The following PSMA3 variants were observed in gnomAD, a reference collection of about 807,000 sequenced individuals.
PSMA3 encodes proteasome subunit alpha type-3.
PSMA3 carries 8 observed loss-of-function variants against 40.0 expected under a neutral mutation model. The observed-to-expected ratio is 0.20, with a 90% CI of 0.12 to 0.36. PSMA3 has a LOEUF of 0.36. Among genes scored for constraint, PSMA3 ranks in the 10% least tolerant of loss-of-function variants. The pLI is 1.00. For missense variants in PSMA3, 219 were observed against 310.6 expected, an observed-to-expected ratio of 0.70 and a Z score of 2.22; for synonymous variants, 110 against 100.0, an observed-to-expected ratio of 1.10 and a Z score of -0.59.
At chr14:58,270,312 T>C (rs1298010374) in intron 8 of PSMA3, 106 bp from the exon 9 acceptor site, 1 of 1,459,096 alleles carries the variant, frequency 6.9e-7, no homozygotes, top group East Asian at 2.3e-5. Flanking sequence ...ATTTTATAGA[T>C]ACTTTTATTA....
intron 6 of PSMA3, 21 bp downstream of exon 6, chr14:58,261,041 T>G: frequency 6.6e-7 from 1 of 1,525,962 alleles, no homozygotes; most frequent in South Asian, 1.1e-5. Flanking sequence ...TTGAATCATT[T>G]GAAATTCTAT....
chr14:58,262,075 A>G (rs537260352), intron 6 of PSMA3, among the ~76,000 whole-genome samples: 12 of 152,112 alleles, frequency 7.9e-5, no homozygotes, highest in Admixed American at 2.0e-4. Context: ...GATTACAGGC[A>G]TGTACTACCA....
chr14:58,267,415 G>T, intron 7 of PSMA3, 59 bp from the exon 8 acceptor site: 1 of 1,405,810 alleles, frequency 7.1e-7, no homozygotes, highest in Non-Finnish European at 9.3e-7. Context: ...AGTGAAAATA[G>T]TTATTACACA....
intron 3 of PSMA3, among the ~76,000 whole-genome samples, chr14:58,254,333 C>CATGTATATATATATAT (rs1890090377): frequency 8.4e-5 from 2 of 23,798 alleles, no homozygotes; most frequent in Non-Finnish European, 1.7e-4. Flanking sequence ...ATTATGCATG[C>CATGTATATATATATAT]ATATATATAT....
At chr14:58,249,215 C>T (rs975193833) in intron 2 of PSMA3, among the ~76,000 whole-genome samples, 1 of 152,036 alleles carries the variant, frequency 6.6e-6, no homozygotes, top group Non-Finnish European at 1.5e-5. Flanking sequence ...CTGCCTCAGC[C>T]TCCCAAAGTG....
At chr14:58,250,025 C>T (rs946353727) in intron 2 of PSMA3, among the ~76,000 whole-genome samples, 2 of 151,852 alleles carry the variant, frequency 1.3e-5, no homozygotes, top group Non-Finnish European at 2.9e-5. Context: ...TCGAGACCAG[C>T]CTGGGCAACA....
intron 3 of PSMA3, 37 bp downstream of exon 3, chr14:58,252,279 C>A: frequency 6.3e-7 from 1 of 1,589,062 alleles, no homozygotes. Flanking sequence ...TTTGTCTTGT[C>A]CAATTTCTTT....
At position 58,270,612 on chromosome 14, in the gene PSMA3, G is replaced by A. The variant is rs1566646181; in HGVS notation, c.658+127G>A. 1.7e-5 allele frequency: 26 copies of A among 1,491,044 alleles called. No individual in the cohort carries two copies. The South Asian group carries it at 2.4e-4, about 14-fold the overall frequency. The allele number at this position is 1,491,044 out of a possible 1,614,324, so 92.4% of individuals were successfully genotyped here. A position where few individuals can be genotyped will look rare whatever the true frequency, so the allele number is the denominator to read the frequency against. On this transcript the variant is annotated intron_variant, in intron 9 of 10. Transcript: ENST00000216455. ...TACTAGGTTGTCTAATGAAGGGAAA[G>A]TTCTGCTTAATAATTGACTTAAGTT...
chr14:58,271,034 A>T, intron 10 of PSMA3, 36 bp downstream of exon 10: 1 of 1,508,542 alleles, frequency 6.6e-7, no homozygotes, highest in Non-Finnish European at 9.1e-7. Context: ...TTGGCCAGGT[A>T]CAGTCAGGGA....
chr14:58,250,733 T>A (rs945013392), intron 2 of PSMA3, among the ~76,000 whole-genome samples: 1 of 152,218 alleles, frequency 6.6e-6, no homozygotes. Context: ...CCCTGCTTTT[T>A]AGATTGTGGA....
At chr14:58,265,359 G>GA (rs1438905538) in intron 7 of PSMA3, 2 of 151,990 alleles carry the variant, frequency 1.3e-5, no homozygotes, top group Non-Finnish European at 2.9e-5. Context: ...AAATCCCAGA[G>GA]AAAAATCAAG....
chr14:58,255,978 C>T (rs1890135387), intron 3 of PSMA3, among the ~76,000 whole-genome samples: 1 of 152,026 alleles, frequency 6.6e-6, no homozygotes, highest in African/African-American at 2.4e-5. Context: ...TGTGGCTCAG[C>T]CTTGGGAGTA....
chr14:58,248,122 C>T (rs1889918817), intron 2 of PSMA3, among the ~76,000 whole-genome samples: 1 of 152,166 alleles, frequency 6.6e-6, no homozygotes, highest in African/African-American at 2.4e-5. Flanking sequence ...TCATAGGCTT[C>T]CTCAGCCATT....
rs1461048000 is a variant in PSMA3 at position 58,271,998 on chromosome 14, CTT to C, written c.*104_*105del. The C allele has an allele frequency of 1.1e-6, 1 of 872,974 alleles. No individual in the cohort carries two copies. The highest frequency in any genetic ancestry group is 1.6e-5 in the South Asian group (1 of 61,274). The allele number at this position is 872,974 out of a possible 1,614,324, so 54.1% of individuals were successfully genotyped here. A position where few individuals can be genotyped will look rare whatever the true frequency, so the allele number is the denominator to read the frequency against. ...TGTCCAATTTTCATTAAATTTTTGT[CTT>C]ATAACTATTGAAGTTTGGTTAATAT... On this transcript the variant is annotated 3_prime_UTR_variant, in exon 11 of 11. Coordinates refer to ENST00000216455, the MANE Select transcript of PSMA3 (RefSeq NM_002788.4).
At chr14:58,249,947 C>T (rs944800408) in intron 2 of PSMA3, among the ~76,000 whole-genome samples, 3 of 152,046 alleles carry the variant, frequency 2.0e-5, no homozygotes, top group South Asian at 2.1e-4. Flanking sequence ...TCCTGCTGGG[C>T]GTGAGCCACG....
At chr14:58,250,102 C>T (rs1889973791) in intron 2 of PSMA3, among the ~76,000 whole-genome samples, 1 of 150,996 alleles carries the variant, frequency 6.6e-6, no homozygotes, top group South Asian at 2.1e-4. Flanking sequence ...CGCCTGTAAT[C>T]CCAGCTACTT....
At chr14:58,244,966 A>C in intron 1 of PSMA3, 25 bp downstream of exon 1, 2 of 1,614,104 alleles carry the variant, frequency 1.2e-6, no homozygotes, top group African/African-American at 1.3e-5. Flanking sequence ...TGTCGGTGTA[A>C]TAGTTTAACC....
In PSMA3 at chr14:58,250,736, A is replaced by G. The variant is rs1443343832; in HGVS notation, c.105-1383A>G. On this transcript the variant is annotated intron_variant, in intron 2 of 10. Transcript: ENST00000216455. Reference sequence around the variant, plus strand: ...ATAACACAATTCCCCTGCTTTTTAGATTGTGGATCCCTTTTTAGATTCTGA... The same window carrying G: ...ATAACACAATTCCCCTGCTTTTTAGGTTGTGGATCCCTTTTTAGATTCTGA... 3.3e-5 allele frequency among the ~76,000 whole-genome samples: 5 copies of G among 152,280 alleles called. No homozygotes were observed. The East Asian group carries it at 9.6e-4, about 29-fold the overall frequency.
Position 58,267,207 on chromosome 14 carries a change from G to GGTCA in PSMA3, c.544-265_544-262dup, listed in dbSNP as rs538687441. 303 of 261,092 alleles carry GGTCA rather than the reference G, an allele frequency of 1.2e-3. 1 individual carries two copies. Among genetic ancestry groups the GGTCA allele is most frequent in the Non-Finnish European group, 1.7e-3 (270 of 158,114 alleles). The allele number at this position is 261,092 out of a possible 1,614,324, so 16.2% of individuals were successfully genotyped here. Reference sequence around the variant, plus strand: ...AGTAGAGACAGGGTTTCACCATGTTGGTCAGGCTGGTCTCGAACTTCTGAC... The same window carrying GGTCA: ...AGTAGAGACAGGGTTTCACCATGTTGGTCAGTCAGGCTGGTCTCGAACTTCTGAC... On this transcript the variant is annotated intron_variant, in intron 7 of 10. Transcript: ENST00000216455.
Sources: gnomAD v4.1 joint callset for allele counts (sites outside exome capture counted in the v4.1 genomes callset) on GRCh38, gnomAD v4.1.1 for gene constraint, MANE v1.5 for transcripts, NCBI Gene and HGNC (gene_info 2026-07-23, HGNC 2026-07-21) for gene names.